GRK4: variants seen among roughly 807,000 people sequenced by gnomAD.
The protein encoded by GRK4 is G protein-coupled receptor kinase 4, also known as G protein-coupled receptor kinase 2-like.
A neutral mutation model predicts 77.9 loss-of-function variants in GRK4; 73 were observed. The ratio of observed to expected loss-of-function variants is 0.94; its 90% CI spans 0.78 to 1.14. The LOEUF (loss-of-function observed/expected upper bound fraction) is 1.14, where lower values mean the gene tolerates loss of function less well. Among genes scored for constraint, GRK4 ranks in the 50% most tolerant of loss-of-function variants. The probability of loss-of-function intolerance (pLI) is 0.00; values close to 1 mark genes in which losing one functional copy is unlikely to be tolerated. For synonymous variants in GRK4, 257 were observed against 254.4 expected, an observed-to-expected ratio of 1.01 and a Z score of -0.10; for missense variants, 729 against 700.2, an observed-to-expected ratio of 1.04 and a Z score of -0.46.
intron 1 of GRK4, chr4:2,966,312 T>G (rs1221901457): frequency 6.6e-6 from 1 of 151,532 alleles, no homozygotes; most frequent in Non-Finnish European, 1.5e-5. Flanking sequence ...CATGGGAGGC[T>G]GAGGCAGGAG....
At position 2,963,608 on chromosome 4, in the gene GRK4, T is replaced by C. The variant is rs1427719953; in HGVS notation, c.-463T>C. The C allele has an allele frequency of 1.6e-5, 7 of 424,782 alleles. No homozygotes were observed. The East Asian group carries it at 2.5e-4, about 15-fold the overall frequency. The allele number at this position is 424,782 out of a possible 1,614,324, so 26.3% of individuals were successfully genotyped here. A position where few individuals can be genotyped will look rare whatever the true frequency, so the allele number is the denominator to read the frequency against. The stretch of plus-strand genomic sequence containing the variant: ...CCGCGGCGGCGAGGGGCGCTCCCTC[T>C]TCAGCTAAGCCGTTAGCGCCGAGCC... On this transcript the variant is annotated 5_prime_UTR_variant, in exon 1 of 16. Transcript: ENST00000398052.
Position 2,963,960 on chromosome 4 carries a change from G to T in GRK4, c.-111G>T. 1 of 979,696 alleles carries T rather than the reference G, an allele frequency of 1.0e-6. No individual in the cohort carries two copies. Among genetic ancestry groups the T allele is most frequent in the Non-Finnish European group, 1.6e-6 (1 of 631,596 alleles). The allele number at this position is 979,696 out of a possible 1,614,324, so 60.7% of individuals were successfully genotyped here. ...CCCGGGATCGTGTCCGGAGCTCGAG[G>T]AGAGGGTGGTGCCCGGCGAGCTATG... On this transcript the variant is annotated 5_prime_UTR_variant, in exon 1 of 16. Transcript: ENST00000398052.
chr4:3,009,658 A>G lies in GRK4; in HGVS notation c.547A>G (p.Thr183Ala), dbSNP rs1401756769. 6 of 1,613,600 alleles carry G rather than the reference A, an allele frequency of 3.7e-6. No homozygotes were observed. The African/African-American group carries it at 8.0e-5, about 22-fold the overall frequency. The change falls in exon 7 of 16, where the codon ACA becomes GCA. Residue 183 changes from threonine to alanine, a missense_variant. By Grantham distance (58) the Thr-to-Ala change is moderately conservative. Coordinates refer to ENST00000398052, the MANE Select transcript of GRK4 (RefSeq NM_182982.3). Reference sequence around the variant, plus strand: ...TTTCTCATTGATTAGGCAACCCGTAACAAAGAACACATTTAGACATTACAG... The same window carrying G: ...TTTCTCATTGATTAGGCAACCCGTAGCAAAGAACACATTTAGACATTACAG... The part of the protein sequence containing the change: ...QWKWLERQPV[T>A]KNTFRHYRVL...
chr4:2,995,506 T>TAAAA (rs35993504), intron 4 of GRK4, among the ~76,000 whole-genome samples: 2 of 93,982 alleles, frequency 2.1e-5, no homozygotes, highest in Non-Finnish European at 4.1e-5. Context: ...TCATCTCTAC[T>TAAAA]AAAAAAAAAA....
intron 11 of GRK4, 152 bp downstream of exon 11, chr4:3,028,153 G>C (rs531060565): frequency 1.5e-6 from 1 of 673,892 alleles, no homozygotes; most frequent in East Asian, 2.7e-5. Context: ...ACCTGTCAGA[G>C]TGTTGAGGCT....
Position 3,037,457 on chromosome 4 carries a change from A to G in GRK4, c.1491A>G (p.Glu497=). 1 of 1,612,266 alleles carries G rather than the reference A, an allele frequency of 6.2e-7. No homozygotes were observed. The highest frequency in any genetic ancestry group is 2.2e-5 in the East Asian group (1 of 44,820). ...GGATCTACCTGGACACCGCAGATGA[A>G]GACTTCTATGCTCGGTTTGCTACCG... ...VKGIYLDTAD[E]DFYARFATGC... Residue 497 remains glutamate (E), a synonymous_variant, in exon 14 of 16, where the codon GAA becomes GAG. Transcript: ENST00000398052.
At chr4:3,009,376 CG>C (rs1170757451) in intron 6 of GRK4, among the ~76,000 whole-genome samples, 1 of 144,876 alleles carries the variant, frequency 6.9e-6, no homozygotes, top group Non-Finnish European at 1.5e-5. Flanking sequence ...GAGCCTAGAT[CG>C]TGCCACTGCA....
In GRK4 at chr4:3,007,718, T is replaced by TA. The variant is rs770341874; in HGVS notation, c.444-12dup. 6.6e-7 allele frequency: 1 copy of TA among 1,505,536 alleles called. No homozygotes were observed. The highest frequency in any genetic ancestry group is 2.3e-5 in the East Asian group (1 of 44,146). 93.3% of individuals were successfully genotyped at this position (1,505,536 alleles called of 1,614,324 possible). On this transcript the variant is annotated splice_polypyrimidine_tract_variant and intron_variant, in intron 5 of 15. Transcript: ENST00000398052. ...TTAATACAACAAATGTATATAATTTTAAAAAATCTTTTTCTAGAGTTGCCC... is the reference window on the plus strand; with the variant it reads ...TTAATACAACAAATGTATATAATTTTAAAAAAATCTTTTTCTAGAGTTGCCC...
Position 3,009,654 on chromosome 4 carries a change from C to T in GRK4, c.543C>T (p.Pro181=), listed in dbSNP as rs765374837. The T allele has an allele frequency of 1.1e-5, 18 of 1,612,816 alleles. No homozygotes were observed. Among genetic ancestry groups the T allele is most frequent in the South Asian group, 3.3e-5 (3 of 90,986 alleles). Residue 181 remains proline, a synonymous_variant, in exon 7 of 16, where the codon CCC becomes CCT. Coordinates refer to ENST00000398052, the MANE Select transcript of GRK4 (RefSeq NM_182982.3). ...FLQWKWLERQ[P]VTKNTFRHYR... is the part of the protein sequence containing the mutation. ...TGTTTTTCTCATTGATTAGGCAACC[C>T]GTAACAAAGAACACATTTAGACATT...
rs375890785 is a variant in GRK4, at chr4:2,973,697, G to A, written c.52+9575G>A. On this transcript the variant is annotated intron_variant, in intron 1 of 15. Coordinates refer to ENST00000398052, the MANE Select transcript of GRK4 (RefSeq NM_182982.3). ...CCACTGCTGTCACTTGGCTCAAGCCGTCAGCGTCTCACCTGGAACACCGTG... is the reference window on the plus strand; with the variant it reads ...CCACTGCTGTCACTTGGCTCAAGCCATCAGCGTCTCACCTGGAACACCGTG... Among the ~76,000 whole-genome samples, 150 of 152,240 alleles carry A rather than the reference G, an allele frequency of 9.9e-4. 3 individuals carry two copies. The South Asian group carries it at 0.028, about 29-fold the overall frequency.
chr4:3,025,452 T>C (rs867261609), intron 10 of GRK4, among the ~76,000 whole-genome samples: 3 of 143,668 alleles, frequency 2.1e-5, no homozygotes, highest in Non-Finnish European at 3.0e-5. Flanking sequence ...TGCAGTGGCG[T>C]GATCTCGGCT....
chr4:2,994,243 C>T (rs1000256561), intron 4 of GRK4, among the ~76,000 whole-genome samples: 1 of 152,188 alleles, frequency 6.6e-6, no homozygotes, highest in Non-Finnish European at 1.5e-5. Flanking sequence ...TAGCACCTTG[C>T]TCTGTTGTGC....
At chr4:2,977,420 A>G (rs748587521) in intron 1 of GRK4, among the ~76,000 whole-genome samples, 1 of 151,194 alleles carries the variant, frequency 6.6e-6, no homozygotes, top group Non-Finnish European at 1.5e-5. Flanking sequence ...CTGCTAGACC[A>G]TCTGTTTACC....
At chr4:3,010,447 G>C (rs528481450) in intron 7 of GRK4, among the ~76,000 whole-genome samples, 1 of 152,204 alleles carries the variant, frequency 6.6e-6, no homozygotes, top group African/African-American at 2.4e-5. Context: ...GGGTGGTCTT[G>C]AACTCCCGAC....
In GRK4 at chr4:2,975,692, T is replaced by A. The variant is rs370217259; in HGVS notation, c.53-8821T>A. 3.9e-5 allele frequency among the ~76,000 whole-genome samples: 6 copies of A among 152,298 alleles called. No homozygotes were observed. The South Asian group carries it at 1.0e-3, about 26-fold the overall frequency. On this transcript the variant is annotated intron_variant, in intron 1 of 15. Coordinates refer to ENST00000398052, the MANE Select transcript of GRK4 (RefSeq NM_182982.3). The stretch of plus-strand genomic sequence containing the variant: ...CAGTGCAGAGCTTTGCAGACCCACT[T>A]CTACGGATTTAAGTTTGTGGGCTTG...
At chr4:2,995,007 C>A (rs561992199) in intron 4 of GRK4, among the ~76,000 whole-genome samples, 1 of 152,118 alleles carries the variant, frequency 6.6e-6, no homozygotes, top group African/African-American at 2.4e-5. Context: ...TCATTTAGCT[C>A]CCACTCTTAA....
intron 8 of GRK4, among the ~76,000 whole-genome samples, chr4:3,014,280 T>TTCTCTCTCTC (rs1292010975): frequency 6.9e-6 from 1 of 145,442 alleles, no homozygotes; most frequent in African/African-American, 2.6e-5. Flanking sequence ...TGAGGATACC[T>TTCTCTCTCTC]TCTCTCTCTC....
intron 4 of GRK4, among the ~76,000 whole-genome samples, chr4:2,995,335 G>A (rs947933215): frequency 6.6e-6 from 1 of 151,976 alleles, no homozygotes; most frequent in Non-Finnish European, 1.5e-5. Context: ...AGGTGTTGTT[G>A]ACCTAAAATG....
At chr4:3,006,477 G>C (rs1225374947) in intron 5 of GRK4, among the ~76,000 whole-genome samples, 1 of 151,984 alleles carries the variant, frequency 6.6e-6, no homozygotes, top group Non-Finnish European at 1.5e-5. Context: ...GATTTGAACT[G>C]CTTTCCAAAA....
Sources: allele counts gnomAD v4.1 joint callset (sites outside exome capture counted in the v4.1 genomes callset), GRCh38; gene constraint gnomAD v4.1.1; transcripts MANE v1.5; gene names NCBI Gene and HGNC (gene_info 2026-07-23, HGNC 2026-07-21).